The following TM9SF2 variants were observed in gnomAD, a reference collection of about 807,000 sequenced individuals.
The protein encoded by TM9SF2 is transmembrane 9 superfamily member 2, also known as 76 kDa membrane protein.
A neutral mutation model predicts 84.9 loss-of-function variants in TM9SF2; 13 were observed. That is an observed-to-expected ratio of 0.15 (90% CI 0.10 to 0.24). TM9SF2 has a LOEUF of 0.24. Ranked by LOEUF, TM9SF2 falls within the 10% of genes least tolerant of loss-of-function variation. The probability of loss-of-function intolerance (pLI) is 1.00; values close to 1 mark genes in which losing one functional copy is unlikely to be tolerated. For missense variants in TM9SF2, 562 were observed against 818.5 expected (o/e 0.69, Z 3.82); for synonymous variants, 273 against 285.8 (o/e 0.96, Z 0.45).
At chr13:99,507,578 G>T (rs1457350676) in intron 1 of TM9SF2, among the ~76,000 whole-genome samples, 1 of 152,170 alleles carries the variant, frequency 6.6e-6, no homozygotes, top group African/African-American at 2.4e-5. Flanking sequence ...GAGATCAGTT[G>T]CTGGGCATTG....
chr13:99,507,738 A>C (rs2046094624), intron 1 of TM9SF2, among the ~76,000 whole-genome samples: 1 of 152,086 alleles, frequency 6.6e-6, no homozygotes, highest in Admixed American at 6.5e-5. Context: ...GCTTCCATAG[A>C]TTTCCTTTTT....
intron 3 of TM9SF2, among the ~76,000 whole-genome samples, chr13:99,527,895 C>T (rs1007623521): frequency 6.6e-6 from 1 of 152,162 alleles, no homozygotes; most frequent in African/African-American, 2.4e-5. Context: ...GAAGCTGAGG[C>T]AGGGTTACGC....
Position 99,552,412 on chromosome 13 carries a change from G to A in TM9SF2, c.1488+86G>A. On this transcript the variant is annotated intron_variant, in intron 13 of 16. Coordinates refer to ENST00000376387, the MANE Select transcript of TM9SF2 (RefSeq NM_004800.3). ...ATCTCAAAAGATACCATAAAAGTGTGTAAAGATGTAAACTTGTCCTTTAGG... is the reference window on the plus strand; with the variant it reads ...ATCTCAAAAGATACCATAAAAGTGTATAAAGATGTAAACTTGTCCTTTAGG... The A allele has an allele frequency of 3.1e-6, 4 of 1,307,736 alleles. No individual in the cohort carries two copies. The Admixed American group carries it at 6.6e-5, about 22-fold the overall frequency. 81.0% of individuals were successfully genotyped at this position (1,307,736 alleles called of 1,614,324 possible).
intron 4 of TM9SF2, among the ~76,000 whole-genome samples, chr13:99,532,047 A>ATTTTTTTTTTTTT (rs1161776586): frequency 6.9e-6 from 1 of 144,276 alleles, no homozygotes; most frequent in Non-Finnish European, 1.5e-5. Context: ...TCTGTGGATG[A>ATTTTTTTTTTTTT]TTTTTTTTTT....
intron 3 of TM9SF2, among the ~76,000 whole-genome samples, chr13:99,527,676 C>T (rs1011316439): frequency 6.6e-5 from 10 of 152,152 alleles, no homozygotes; most frequent in Admixed American, 3.9e-4. Flanking sequence ...AAGTGTGCAG[C>T]CTTATATGAT....
At chr13:99,553,082 C>T (rs913704165) in intron 13 of TM9SF2, among the ~76,000 whole-genome samples, 1 of 152,172 alleles carries the variant, frequency 6.6e-6, no homozygotes, top group African/African-American at 2.4e-5. Context: ...ACCCTCCAGT[C>T]GGCCTTCTCT....
chr13:99,550,035 C>CT (rs1408271430), intron 12 of TM9SF2, among the ~76,000 whole-genome samples: 8 of 152,220 alleles, frequency 5.3e-5, no homozygotes. Flanking sequence ...TTCTTTCCCT[C>CT]TGTCAACTCA....
intron 4 of TM9SF2, among the ~76,000 whole-genome samples, chr13:99,531,753 C>T (rs2046211008): frequency 1.3e-5 from 2 of 152,140 alleles, no homozygotes; most frequent in Non-Finnish European, 1.5e-5. Context: ...TTAAAGACTC[C>T]TTTGTCTCCC....
intron 10 of TM9SF2, 33 bp from the exon 11 acceptor site, chr13:99,546,952 A>G (rs1845906326): frequency 2.5e-6 from 4 of 1,613,774 alleles, no homozygotes; most frequent in Non-Finnish European, 3.4e-6. Context: ...ACAGAGTAAT[A>G]ACATGTACAG....
chr13:99,536,259 C>G (rs1000808686), intron 4 of TM9SF2, among the ~76,000 whole-genome samples: 1 of 150,834 alleles, frequency 6.6e-6, no homozygotes, highest in Non-Finnish European at 1.5e-5. Flanking sequence ...TCTTTCCTAC[C>G]TACCATTTAT....
At chr13:99,510,739 A>G (rs2046110219) in intron 1 of TM9SF2, among the ~76,000 whole-genome samples, 1 of 152,204 alleles carries the variant, frequency 6.6e-6, no homozygotes, top group Non-Finnish European at 1.5e-5. Flanking sequence ...CACCTCCAAC[A>G]CTGGAGAATA....
At chr13:99,539,064 G>A (rs1021359548) in intron 6 of TM9SF2, among the ~76,000 whole-genome samples, 5 of 151,424 alleles carry the variant, frequency 3.3e-5, no homozygotes, top group South Asian at 2.1e-4. Flanking sequence ...TTAGCTGGGC[G>A]TGGGGTGTGG....
chr13:99,553,754 C>T (rs1283215472), intron 13 of TM9SF2, among the ~76,000 whole-genome samples: 3 of 152,110 alleles, frequency 2.0e-5, no homozygotes, highest in African/African-American at 7.2e-5. Context: ...ATTTTTATAC[C>T]GCCATGTAGT....
intron 1 of TM9SF2, among the ~76,000 whole-genome samples, chr13:99,513,297 G>GA (rs989765395): frequency 6.6e-6 from 1 of 152,200 alleles, no homozygotes; most frequent in African/African-American, 2.4e-5. Flanking sequence ...AAGGTCCTGA[G>GA]AAGAGCAGCT....
intron 1 of TM9SF2, among the ~76,000 whole-genome samples, chr13:99,505,283 GC>G (rs1446275140): frequency 6.6e-6 from 1 of 151,826 alleles, no homozygotes; most frequent in African/African-American, 2.4e-5. Flanking sequence ...CCCCTGAGTA[GC>G]TGGGATTACA....
intron 1 of TM9SF2, among the ~76,000 whole-genome samples, chr13:99,508,444 C>CACACACACA (rs1555339315): frequency 8.4e-5 from 12 of 143,608 alleles, no homozygotes; most frequent in East Asian, 2.3e-4. Flanking sequence ...CACACACACA[C>CACACACACA]CCCAGAGATT....
chr13:99,536,508 C>T, intron 4 of TM9SF2, 100 bp from the exon 5 acceptor site: 1 of 1,397,538 alleles, frequency 7.2e-7, no homozygotes, highest in Non-Finnish European at 9.8e-7. Context: ...AAGGCATTTA[C>T]ACATTTAAAT....
chr13:99,525,393 C>T (rs1051073580), intron 3 of TM9SF2, among the ~76,000 whole-genome samples: 3 of 152,036 alleles, frequency 2.0e-5, no homozygotes, highest in Non-Finnish European at 2.9e-5. Context: ...AGGTGCCTGC[C>T]ACCACACCTA....
chr13:99,539,348 C>CAACA (rs2046248420), intron 6 of TM9SF2, 98 bp from the exon 7 acceptor site: 5 of 737,748 alleles, frequency 6.8e-6, no homozygotes, highest in Non-Finnish European at 1.2e-5. Context: ...TCACCTTTGT[C>CAACA]AGCAGCATTT....
Sources: allele counts gnomAD v4.1 joint callset (sites outside exome capture counted in the v4.1 genomes callset), GRCh38; gene constraint gnomAD v4.1.1; transcripts MANE v1.5; gene names NCBI Gene and HGNC (gene_info 2026-07-23, HGNC 2026-07-21).